Variants in TBC1D14 observed in about 807,000 individuals in gnomAD.
TBC1D14 encodes TBC1 domain family member 14.
Under a neutral mutation model 79.0 loss-of-function variants are expected in TBC1D14, and 26 were observed. The ratio of observed to expected loss-of-function variants is 0.33; its 90% CI spans 0.24 to 0.46. The LOEUF is 0.46. Among genes scored for constraint, TBC1D14 ranks in the 20% least tolerant of loss-of-function variants. The pLI, the probability that TBC1D14 is intolerant of heterozygous loss-of-function variation, is 1.00. For synonymous variants in TBC1D14, 394 were observed against 349.9 expected, an observed-to-expected ratio of 1.13 and a Z score of -1.40; for missense variants, 769 against 887.6, an observed-to-expected ratio of 0.87 and a Z score of 1.70.
chr4:6,975,864 G>A (rs935663254), intron 3 of TBC1D14, among the ~76,000 whole-genome samples: 4 of 152,046 alleles, frequency 2.6e-5, no homozygotes, highest in African/African-American at 4.8e-5. Flanking sequence ...AGGCTGAGGC[G>A]GGTGGATCAC....
chr4:7,005,101 A>C (rs1720047685), intron 8 of TBC1D14, among the ~76,000 whole-genome samples, 177 bp downstream of exon 8: 1 of 152,174 alleles, frequency 6.6e-6, no homozygotes, highest in Admixed American at 6.5e-5. Context: ...AAAGGTAAAA[A>C]CTTTTTATAA....
chr4:7,015,728 C>T (rs1376512944), intron 12 of TBC1D14, among the ~76,000 whole-genome samples: 1 of 152,110 alleles, frequency 6.6e-6, no homozygotes, highest in Non-Finnish European at 1.5e-5. Flanking sequence ...AGCCCCAGCC[C>T]AAACCCAGCT....
At chr4:6,941,261 C>A (rs149644447) in intron 2 of TBC1D14, among the ~76,000 whole-genome samples, 57 of 147,840 alleles carry the variant, frequency 3.9e-4, no homozygotes, top group African/African-American at 1.4e-3. Flanking sequence ...TCTTGGCTCA[C>A]TGCAACCTCT....
intron 10 of TBC1D14, among the ~76,000 whole-genome samples, chr4:7,010,320 T>G (rs990370235): frequency 6.6e-6 from 1 of 152,204 alleles, no homozygotes; most frequent in Admixed American, 6.5e-5. Context: ...ATTAAGCTTA[T>G]TGAGATAGAT....
At chr4:7,020,931 G>C (rs1408855976) in intron 12 of TBC1D14, among the ~76,000 whole-genome samples, 1 of 152,194 alleles carries the variant, frequency 6.6e-6, no homozygotes, top group Non-Finnish European at 1.5e-5. Context: ...TCCTCTTGGG[G>C]TTGTAACAAG....
At chr4:7,000,650 G>C (rs541935073) in intron 6 of TBC1D14, among the ~76,000 whole-genome samples, 1 of 152,336 alleles carries the variant, frequency 6.6e-6, no homozygotes, top group African/African-American at 2.4e-5. Context: ...TCCGCAGTTA[G>C]AACTTGCCAG....
chr4:7,025,297 G>T lies in TBC1D14; in HGVS notation c.2016+35G>T, dbSNP rs375257101. 1.2e-4 allele frequency: 196 copies of T among 1,611,712 alleles called. 1 individual carries two copies. Among genetic ancestry groups the T allele is most frequent in the Middle Eastern group, 1.2e-3 (7 of 6,024 alleles). Reference sequence around the variant, plus strand: ...CTTTGTGTTCTTGGCTTCCCACAGCGTAGCCGGCAAGTGGCGCGACTCAGG... The same window carrying T: ...CTTTGTGTTCTTGGCTTCCCACAGCTTAGCCGGCAAGTGGCGCGACTCAGG... On this transcript the variant is annotated intron_variant, in intron 13 of 13. Transcript: ENST00000409757.
rs1180674751 is a variant in TBC1D14 at position 6,977,077 on chromosome 4, C to CCACGG, written c.843+9653_843+9654insCACGG. On this transcript the variant is annotated intron_variant, in intron 3 of 13. Coordinates refer to ENST00000409757, the MANE Select transcript of TBC1D14 (RefSeq NM_020773.3). ...CTCCCTCTCCCTCCTCTCCCTCTCC[C>CCACGG]TCTCCCTCTCCCCACTGTCTCCCTC... Among the ~76,000 whole-genome samples, 13 of 11,424 alleles carry CCACGG rather than the reference C, an allele frequency of 1.1e-3. 1 individual carries two copies. The highest frequency in any genetic ancestry group is 1.8e-3 in the African/African-American group (13 of 7,186). 7.5% of individuals were successfully genotyped at this position (11,424 alleles called of 152,430 possible).
chr4:6,953,088 C>A (rs1468924772), intron 2 of TBC1D14, among the ~76,000 whole-genome samples: 1 of 141,520 alleles, frequency 7.1e-6, no homozygotes. Context: ...TACAATGGTG[C>A]AATCTTGGCC....
intron 3 of TBC1D14, among the ~76,000 whole-genome samples, chr4:6,978,085 G>C (rs1463946482): frequency 3.3e-5 from 5 of 149,274 alleles, no homozygotes; most frequent in Non-Finnish European, 6.0e-5. Context: ...TCAGCCCCCC[G>C]CCTGGCCAGC....
intron 6 of TBC1D14, 77 bp downstream of exon 6, chr4:6,999,279 A>G (rs867930947): frequency 1.2e-5 from 16 of 1,323,550 alleles, no homozygotes; most frequent in Non-Finnish European, 1.7e-5. Flanking sequence ...TGTAGTCGTC[A>G]TAGCCAGCAG....
At chr4:6,962,531 T>C (rs1435565513) in intron 2 of TBC1D14, among the ~76,000 whole-genome samples, 2 of 152,094 alleles carry the variant, frequency 1.3e-5, no homozygotes, top group African/African-American at 2.4e-5. Context: ...GAGTGCTTTT[T>C]CTCCATAGGA....
At chr4:6,953,906 G>T (rs1293379675) in intron 2 of TBC1D14, among the ~76,000 whole-genome samples, 1 of 151,962 alleles carries the variant, frequency 6.6e-6, no homozygotes, top group Non-Finnish European at 1.5e-5. Context: ...CCGAGGTCCC[G>T]GTGGGTTTTG....
intron 12 of TBC1D14, among the ~76,000 whole-genome samples, chr4:7,015,618 C>T (rs976559463): frequency 2.6e-5 from 4 of 152,206 alleles, no homozygotes; most frequent in African/African-American, 9.6e-5. Flanking sequence ...CCAGAGAGCA[C>T]CATGTTTGAG....
Position 6,933,149 on chromosome 4 carries a change from G to T in TBC1D14, c.722+9038G>T, listed in dbSNP as rs1003647497. On this transcript the variant is annotated intron_variant, in intron 2 of 13. Coordinates refer to ENST00000409757, the MANE Select transcript of TBC1D14 (RefSeq NM_020773.3). ...AGCAACAAGGCTTCTTTTGTGTGGA[G>T]TCCATCTCACACTCCAAATCTCTTC... Among the ~76,000 whole-genome samples the T allele has an allele frequency of 2.0e-4, 30 of 151,332 alleles. 1 individual carries two copies. Among genetic ancestry groups the T allele is most frequent in the African/African-American group, 7.3e-4 (30 of 41,192 alleles).
At chr4:6,930,331 T>A (rs149104148) in intron 2 of TBC1D14, among the ~76,000 whole-genome samples, 1,669 of 152,312 alleles carry the variant, frequency 0.011, 15 homozygotes, top group Middle Eastern at 0.037. Flanking sequence ...GTCAGCCGTT[T>A]GTCACGGGGC....
chr4:6,915,229 T>C (rs1719158117), intron 1 of TBC1D14, among the ~76,000 whole-genome samples: 1 of 152,142 alleles, frequency 6.6e-6, no homozygotes, highest in African/African-American at 2.4e-5. Flanking sequence ...GCTGCTTTTA[T>C]GAGGAGGCTC....
chr4:6,999,128 A>G lies in TBC1D14; in HGVS notation c.1089A>G (p.Arg363=). The G allele has an allele frequency of 6.2e-7, 1 of 1,614,208 alleles. No individual in the cohort carries two copies. Among genetic ancestry groups the G allele is most frequent in the Non-Finnish European group, 8.5e-7 (1 of 1,180,022 alleles). The stretch of plus-strand genomic sequence containing the variant: ...GAAGGAAGAAGCAGCTGGAAGAAAG[A>G]TGCAGAGTCGAGGAAAGCATTGGAA... ...AQRRKKQLEE[R]CRVEESIGNA... Residue 363 remains arginine, a synonymous_variant, in exon 6 of 14, where the codon AGA becomes AGG. Transcript: ENST00000409757.
Position 6,945,744 on chromosome 4 carries a change from C to T in TBC1D14, c.723-21560C>T, listed in dbSNP as rs1385981895. Among the ~76,000 whole-genome samples, 48 of 61,464 alleles carry T rather than the reference C, an allele frequency of 7.8e-4. 1 individual carries two copies. In the Admixed American group the frequency reaches 0.011, roughly 14 times the overall value. The allele number at this position is 61,464 out of a possible 152,430, so 40.3% of individuals were successfully genotyped here. A position where few individuals can be genotyped will look rare whatever the true frequency, so the allele number is the denominator to read the frequency against. On this transcript the variant is annotated intron_variant, in intron 2 of 13. Coordinates refer to ENST00000409757, the MANE Select transcript of TBC1D14 (RefSeq NM_020773.3). ...AGCCTGGGCAACTAGAGCAAAACTGCGTCTCAAAAAAAAAAAAAAAAAAAA... is the reference window on the plus strand; with the variant it reads ...AGCCTGGGCAACTAGAGCAAAACTGTGTCTCAAAAAAAAAAAAAAAAAAAA...
Sources: allele counts gnomAD v4.1 joint callset (sites outside exome capture counted in the v4.1 genomes callset), GRCh38; gene constraint gnomAD v4.1.1; transcripts MANE v1.5; gene names NCBI Gene and HGNC (gene_info 2026-07-23, HGNC 2026-07-21).